NRG3: variants seen among roughly 807,000 people sequenced by gnomAD.
NRG3 encodes neuregulin 3.
NRG3 carries 31 observed loss-of-function variants against 66.9 expected under a neutral mutation model. That is an observed-to-expected ratio of 0.46 (90% CI 0.35 to 0.63). NRG3 has a LOEUF of 0.63. Among genes scored for constraint, NRG3 ranks in the 20% least tolerant of loss-of-function variants. The probability of loss-of-function intolerance (pLI) is 0.00; values close to 1 mark genes in which losing one functional copy is unlikely to be tolerated. For missense variants in NRG3, 910 were observed against 878.9 expected, an observed-to-expected ratio of 1.04 and a Z score of -0.45; for synonymous variants, 393 against 359.4, an observed-to-expected ratio of 1.09 and a Z score of -1.06.
chr10:82,984,294 T>C (rs192116607), intron 8 of NRG3, among the ~76,000 whole-genome samples: 112 of 152,326 alleles, frequency 7.4e-4, no homozygotes, highest in African/African-American at 2.5e-3. Flanking sequence ...TTCTGCTATA[T>C]TCAAATGACT....
At chr10:82,883,118 T>C (rs1209150050) in intron 4 of NRG3, among the ~76,000 whole-genome samples, 1 of 152,224 alleles carries the variant, frequency 6.6e-6, no homozygotes, top group Admixed American at 6.5e-5. Context: ...TGTAGTTACA[T>C]AATATGTTGA....
chr10:82,597,096 G>A (rs1022742131), intron 2 of NRG3, among the ~76,000 whole-genome samples: 4 of 152,048 alleles, frequency 2.6e-5, no homozygotes, highest in Non-Finnish European at 5.9e-5. Flanking sequence ...TCAGTATTGA[G>A]TTGAAAAACC....
At chr10:82,557,831 T>C (rs1191053335) in intron 2 of NRG3, among the ~76,000 whole-genome samples, 2 of 152,060 alleles carry the variant, frequency 1.3e-5, no homozygotes, top group African/African-American at 2.4e-5. Flanking sequence ...GTAGACTCAG[T>C]GAGGTGAAGT....
At chr10:82,421,855 C>G (rs2089102787) in intron 2 of NRG3, among the ~76,000 whole-genome samples, 2 of 151,894 alleles carry the variant, frequency 1.3e-5, no homozygotes, top group Admixed American at 1.3e-4. Flanking sequence ...TTTAAACTTT[C>G]TAGAAAAAAA....
chr10:82,772,686 T>C (rs1039401203), intron 3 of NRG3, among the ~76,000 whole-genome samples: 51 of 151,456 alleles, frequency 3.4e-4, no homozygotes, highest in Non-Finnish European at 4.4e-4. Flanking sequence ...ACCCATGGTT[T>C]CCAGTTTGCT....
chr10:82,065,197 A>T (rs747274162), intron 1 of NRG3, among the ~76,000 whole-genome samples: 1 of 152,030 alleles, frequency 6.6e-6, no homozygotes, highest in Non-Finnish European at 1.5e-5. Flanking sequence ...CTATGAGGGG[A>T]ATTGAGAGTG....
At chr10:82,943,617 C>G (rs936824699) in intron 4 of NRG3, among the ~76,000 whole-genome samples, 1 of 152,190 alleles carries the variant, frequency 6.6e-6, no homozygotes, top group Admixed American at 6.6e-5. Context: ...TCATTTTGTT[C>G]TCTTCAGGAT....
chr10:82,019,692 C>G (rs1449135100), intron 1 of NRG3, among the ~76,000 whole-genome samples: 1 of 152,060 alleles, frequency 6.6e-6, no homozygotes, highest in African/African-American at 2.4e-5. Context: ...AGGAATTTAT[C>G]CATTTCTTCT....
At chr10:82,623,360 T>A (rs1209566357) in intron 2 of NRG3, among the ~76,000 whole-genome samples, 1 of 152,122 alleles carries the variant, frequency 6.6e-6, no homozygotes, top group African/African-American at 2.4e-5. Flanking sequence ...CCTTTAAGGG[T>A]CTGTCTGAAC....
intron 4 of NRG3, among the ~76,000 whole-genome samples, chr10:82,930,380 A>G (rs1564639873): frequency 1.3e-5 from 2 of 152,328 alleles, no homozygotes; most frequent in African/African-American, 2.4e-5. Context: ...AAACAGGACT[A>G]TCTGTCTTCA....
intron 1 of NRG3, among the ~76,000 whole-genome samples, chr10:81,914,080 A>G (rs73304559): frequency 0.019 from 2,864 of 152,062 alleles, 77 homozygotes; most frequent in African/African-American, 0.063. Flanking sequence ...AAATATATCG[A>G]CCATCACCTC....
intron 1 of NRG3, among the ~76,000 whole-genome samples, chr10:82,343,878 C>T (rs552420480): frequency 5.9e-5 from 9 of 152,168 alleles, no homozygotes; most frequent in South Asian, 4.1e-4. Context: ...ACCTCCAGGA[C>T]GCTGCTTCTC....
intron 3 of NRG3, among the ~76,000 whole-genome samples, chr10:82,833,213 C>T (rs2062614264): frequency 1.3e-5 from 2 of 152,102 alleles, no homozygotes; most frequent in African/African-American, 4.8e-5. Flanking sequence ...TGTTGCTAGG[C>T]ATTTCACCCC....
At chr10:82,032,892 A>C (rs2062633365) in intron 1 of NRG3, among the ~76,000 whole-genome samples, 1 of 152,098 alleles carries the variant, frequency 6.6e-6, no homozygotes, top group South Asian at 2.1e-4. Flanking sequence ...CAGTGTCTTC[A>C]TTCTGGAATG....
chr10:82,487,314 G>A (rs1010868377), intron 2 of NRG3, among the ~76,000 whole-genome samples: 1 of 151,950 alleles, frequency 6.6e-6, no homozygotes, highest in South Asian at 2.1e-4. Context: ...CTTAGAAAGG[G>A]GATTGTGGAT....
chr10:82,022,098 A>G (rs1449920106), intron 1 of NRG3, among the ~76,000 whole-genome samples: 1 of 151,976 alleles, frequency 6.6e-6, no homozygotes, highest in Non-Finnish European at 1.5e-5. Flanking sequence ...TTTATTGAGC[A>G]CATACTATGT....
At chr10:82,775,987 G>A (rs113678347) in intron 3 of NRG3, among the ~76,000 whole-genome samples, 3,822 of 152,064 alleles carry the variant, frequency 0.025, 162 homozygotes, top group African/African-American at 0.087. Context: ...TGCAGTAATG[G>A]AATATTCTGA....
chr10:82,219,354 G>C lies in NRG3; in HGVS notation c.824-139385G>C, dbSNP rs1242588860. Among the ~76,000 whole-genome samples, 4 of 144,486 alleles carry C rather than the reference G, an allele frequency of 2.8e-5. No individual in the cohort carries two copies. In the East Asian group the frequency reaches 8.3e-4, roughly 30 times the overall value. The allele number at this position is 144,486 out of a possible 152,430, so 94.8% of individuals were successfully genotyped here. On this transcript the variant is annotated intron_variant, in intron 1 of 8. Coordinates refer to ENST00000372141, the MANE Select transcript of NRG3 (RefSeq NM_001010848.4). ...TTCAGACATTGTCAGATGTCTTCTG[G>C]GGGGCGTAGTCATCCAAACTCGAGA...
At chr10:82,506,487 T>A (rs1311346229) in intron 2 of NRG3, among the ~76,000 whole-genome samples, 1 of 152,094 alleles carries the variant, frequency 6.6e-6, no homozygotes, top group East Asian at 1.9e-4. Flanking sequence ...CAAATGCCAC[T>A]GCTTGGGGCT....
Sources: allele counts gnomAD v4.1 joint callset (sites outside exome capture counted in the v4.1 genomes callset), GRCh38; gene constraint gnomAD v4.1.1; transcripts MANE v1.5; gene names NCBI Gene and HGNC (gene_info 2026-07-23, HGNC 2026-07-21).